ARMH3: variants seen among roughly 807,000 people sequenced by gnomAD.
The protein encoded by ARMH3 is armadillo like helical domain containing 3.
A neutral mutation model predicts 99.1 loss-of-function variants in ARMH3; 60 were observed. That is an observed-to-expected ratio of 0.61 (90% CI 0.49 to 0.75). The LOEUF (loss-of-function observed/expected upper bound fraction) is 0.75, where lower values mean the gene tolerates loss of function less well. Ranked by LOEUF, ARMH3 falls within the 30% of genes least tolerant of loss-of-function variation. The pLI, the probability that ARMH3 is intolerant of heterozygous loss-of-function variation, is 0.00. For missense variants in ARMH3, 679 were observed against 843.1 expected, an observed-to-expected ratio of 0.81 and a Z score of 2.41; for synonymous variants, 285 against 292.8, an observed-to-expected ratio of 0.97 and a Z score of 0.27.
chr10:101,909,912 A>G (rs1842798011), intron 23 of ARMH3, among the ~76,000 whole-genome samples: 1 of 152,200 alleles, frequency 6.6e-6, no homozygotes, highest in Non-Finnish European at 1.5e-5. Context: ...TAGAAGAATA[A>G]TATTTTGGGT....
At chr10:101,889,343 C>A in intron 24 of ARMH3, 69 bp downstream of exon 24, 1 of 1,410,400 alleles carries the variant, frequency 7.1e-7, no homozygotes, top group East Asian at 2.3e-5. Context: ...AATCCCCCTG[C>A]CATCAGAGAG....
chr10:101,911,451 T>C (rs1475683068), intron 23 of ARMH3, among the ~76,000 whole-genome samples: 1 of 152,160 alleles, frequency 6.6e-6, no homozygotes, highest in African/African-American at 2.4e-5. Context: ...GTCAAAAAGA[T>C]GTAGGCTGGA....
chr10:102,011,094 A>C (rs2136109461), intron 11 of ARMH3, among the ~76,000 whole-genome samples: 1 of 152,310 alleles, frequency 6.6e-6, no homozygotes, highest in South Asian at 2.1e-4. Context: ...TTATCTCTTC[A>C]AAATCAGTCC....
intron 15 of ARMH3, among the ~76,000 whole-genome samples, chr10:101,999,379 A>G (rs1012909140): frequency 1.3e-5 from 2 of 151,888 alleles, no homozygotes; most frequent in Non-Finnish European, 2.9e-5. Context: ...TTTAGTAGAG[A>G]CAGGGTTTCA....
intron 24 of ARMH3, among the ~76,000 whole-genome samples, chr10:101,878,852 A>C (rs1481335913): frequency 6.6e-6 from 1 of 152,038 alleles, no homozygotes; most frequent in African/African-American, 2.4e-5. Flanking sequence ...AAAAAAATTA[A>C]GTCATCACGT....
At chr10:102,016,854 G>A (rs1212903089) in intron 8 of ARMH3, among the ~76,000 whole-genome samples, 1 of 152,162 alleles carries the variant, frequency 6.6e-6, no homozygotes, top group Non-Finnish European at 1.5e-5. Flanking sequence ...TACACTTAAC[G>A]TTTTCCATTG....
At chr10:101,876,431 T>A (rs896061623) in intron 24 of ARMH3, among the ~76,000 whole-genome samples, 5 of 152,080 alleles carry the variant, frequency 3.3e-5, no homozygotes, top group Admixed American at 6.6e-5. Flanking sequence ...CACTGGTAAT[T>A]CAACACGGGA....
intron 24 of ARMH3, among the ~76,000 whole-genome samples, chr10:101,859,615 G>A (rs2066815963): frequency 6.6e-6 from 1 of 152,230 alleles, no homozygotes; most frequent in Admixed American, 6.5e-5. Context: ...TGTGTTCAAT[G>A]TAGCGATGGA....
intron 24 of ARMH3, among the ~76,000 whole-genome samples, chr10:101,881,830 C>T (rs189223004): frequency 8.9e-4 from 135 of 152,294 alleles, no homozygotes; most frequent in Non-Finnish European, 4.7e-4. Flanking sequence ...TTTTCAGATC[C>T]TGGTTTTGAG....
At chr10:101,864,486 A>G (rs1403967909) in intron 24 of ARMH3, among the ~76,000 whole-genome samples, 2 of 152,226 alleles carry the variant, frequency 1.3e-5, no homozygotes, top group Non-Finnish European at 2.9e-5. Context: ...AAGATTTGGA[A>G]CCAACCCAAA....
intron 1 of ARMH3, among the ~76,000 whole-genome samples, chr10:102,048,766 C>T (rs577077690): frequency 3.5e-4 from 53 of 152,272 alleles, no homozygotes; most frequent in African/African-American, 1.2e-3. Context: ...GTCCCCTACC[C>T]TGACTTTCCA....
intron 1 of ARMH3, among the ~76,000 whole-genome samples, chr10:102,054,316 G>A (rs1253841187): frequency 6.6e-6 from 1 of 151,430 alleles, no homozygotes; most frequent in Non-Finnish European, 1.5e-5. Context: ...TGGAACCCGA[G>A]AGACGGAGGT....
At chr10:101,981,758 C>T (rs1422479276) in intron 19 of ARMH3, among the ~76,000 whole-genome samples, 1 of 152,102 alleles carries the variant, frequency 6.6e-6, no homozygotes, top group African/African-American at 2.4e-5. Context: ...GTGGCTCACG[C>T]CTGTAATCCC....
intron 12 of ARMH3, 92 bp from the exon 13 acceptor site, chr10:102,009,541 C>T (rs542323737): frequency 5.6e-6 from 6 of 1,080,842 alleles, no homozygotes; most frequent in South Asian, 1.3e-5. Flanking sequence ...TGCACCCCAG[C>T]GCCTCATTAT....
At chr10:101,913,744 C>T (rs981493348) in intron 23 of ARMH3, among the ~76,000 whole-genome samples, 27 of 152,148 alleles carry the variant, frequency 1.8e-4, no homozygotes, top group African/African-American at 6.3e-4. Flanking sequence ...TGGTTTGGTG[C>T]GTAAAGTGGT....
chr10:101,964,700 G>C (rs1309930127), intron 20 of ARMH3, among the ~76,000 whole-genome samples: 1 of 152,120 alleles, frequency 6.6e-6, no homozygotes, highest in East Asian at 1.9e-4. Flanking sequence ...GCCAGGGTCT[G>C]GCATGAGGGG....
chr10:101,992,704 C>T (rs1008131956), intron 17 of ARMH3, among the ~76,000 whole-genome samples: 1 of 151,926 alleles, frequency 6.6e-6, no homozygotes, highest in Non-Finnish European at 1.5e-5. Flanking sequence ...ATCCTGTTAG[C>T]CAGGGTGGTC....
At chr10:102,002,193 G>A in intron 14 of ARMH3, 121 bp from the exon 15 acceptor site, 1 of 1,422,918 alleles carries the variant, frequency 7.0e-7, no homozygotes, top group Non-Finnish European at 9.4e-7. Context: ...CACAACAGAG[G>A]GAGGACCAAG....
chr10:101,885,183 G>C (rs2067511316), intron 24 of ARMH3, among the ~76,000 whole-genome samples: 1 of 152,044 alleles, frequency 6.6e-6, no homozygotes, highest in African/African-American at 2.4e-5. Flanking sequence ...GGAGAAATTG[G>C]GATGTAAAAT....
Sources: allele counts gnomAD v4.1 joint callset (sites outside exome capture counted in the v4.1 genomes callset), GRCh38; gene constraint gnomAD v4.1.1; transcripts MANE v1.5; gene names NCBI Gene and HGNC (gene_info 2026-07-23, HGNC 2026-07-21).